SURF2: variants seen among roughly 807,000 people sequenced by gnomAD.
SURF2 encodes surfeit 2, also known as surfeit locus protein 2.
A neutral mutation model predicts 26.2 loss-of-function variants in SURF2; 32 were observed. The ratio of observed to expected loss-of-function variants is 1.22; its 90% CI spans 0.92 to 1.64. SURF2 has a LOEUF of 1.64. Among genes scored for constraint, SURF2 ranks in the 40% most tolerant of loss-of-function variants. The probability of loss-of-function intolerance (pLI) is 0.00; values close to 1 mark genes in which losing one functional copy is unlikely to be tolerated. For missense variants in SURF2, 415 were observed against 341.6 expected, an observed-to-expected ratio of 1.21 and a Z score of -1.69; for synonymous variants, 173 against 139.1, an observed-to-expected ratio of 1.24 and a Z score of -1.71.
At chr9:133,357,685 A>G in intron 2 of SURF2, 26 bp from the exon 3 acceptor site, 1 of 1,587,826 alleles carries the variant, frequency 6.3e-7, no homozygotes, top group Non-Finnish European at 8.6e-7. Context: ...AACTGTCCCT[A>G]CAAATTTGGT....
chr9:133,358,787 G>T (rs931247275), intron 3 of SURF2, among the ~76,000 whole-genome samples: 1 of 152,182 alleles, frequency 6.6e-6, no homozygotes, highest in African/African-American at 2.4e-5. Flanking sequence ...GCAGGTGCTG[G>T]GTCACCAGAA....
Position 133,360,403 on chromosome 9 carries a change from T to C in SURF2, c.656T>C (p.Val219Ala), listed in dbSNP as rs2130051256. Residue 219 changes from valine to alanine, a missense_variant, in exon 5 of 6, where the codon GTG becomes GCG. Val to Ala is a moderately conservative substitution (Grantham distance 64). Coordinates refer to ENST00000371964, the MANE Select transcript of SURF2 (RefSeq NM_017503.5). Reference sequence around the variant, plus strand: ...GATGAGGGCAGGAGAGAGACGACCGTGTACCGAGGGCTGGTCCAGAAGCGC... The same window carrying C: ...GATGAGGGCAGGAGAGAGACGACCGCGTACCGAGGGCTGGTCCAGAAGCGC... ...ATDEGRRETT[V>A]YRGLVQKRGK... 1.9e-6 allele frequency: 3 copies of C among 1,612,168 alleles called. No homozygotes were observed. Among genetic ancestry groups the C allele is most frequent in the South Asian group, 1.1e-5 (1 of 91,028 alleles).
chr9:133,356,872 G>T, intron 1 of SURF2, 42 bp from the exon 2 acceptor site: 1 of 1,511,690 alleles, frequency 6.6e-7, no homozygotes, highest in Non-Finnish European at 8.9e-7. Context: ...AGGGAGCGGA[G>T]CCCTGGCCCT....
In SURF2 at chr9:133,360,283, A is replaced by G. The variant is rs1836728471; in HGVS notation, c.536A>G (p.Lys179Arg). Residue 179 changes from lysine to arginine, a missense_variant, in exon 5 of 6, where the codon AAG (lysine) becomes AGG (arginine). By Grantham distance (26) the Lys-to-Arg change is conservative. Coordinates refer to ENST00000371964, the MANE Select transcript of SURF2 (RefSeq NM_017503.5). ...CTCCCAGCTGAGCTATTCACCAGAA[A>G]GGACCTTGGAAGCACGGAGGATGGG... ...DLYPPELFTR[K>R]DLGSTEDGDG... 6.2e-7 allele frequency: 1 copy of G among 1,613,918 alleles called. No homozygotes were observed. Among genetic ancestry groups the G allele is most frequent in the South Asian group, 1.1e-5 (1 of 91,080 alleles).
At position 133,357,016 on chromosome 9, in the gene SURF2, G is replaced by A; in HGVS notation, c.181G>A (p.Ala61Thr). The A allele has an allele frequency of 5.7e-6, 9 of 1,572,998 alleles. No homozygotes were observed. Among genetic ancestry groups the A allele is most frequent in the Non-Finnish European group, 7.8e-6 (9 of 1,160,624 alleles). Residue 61 changes from alanine to threonine, a missense_variant, in exon 2 of 6, where the codon GCC becomes ACC. Physicochemically the swap from Ala to Thr is moderately conservative, Grantham distance 58. Transcript: ENST00000371964. ...CCAGCGGCTGGTCCGCGCCTCCCCGGCCTTCGACTATGCAGAGTTCGAGCC... is the reference window on the plus strand; with the variant it reads ...CCAGCGGCTGGTCCGCGCCTCCCCGACCTTCGACTATGCAGAGTTCGAGCC... ...KYQRLVRASP[A>T]FDYAEFEPHI... is the part of the protein sequence containing the mutation.
At chr9:133,357,593 TA>T in intron 2 of SURF2, 117 bp from the exon 3 acceptor site, 1 of 954,304 alleles carries the variant, frequency 1.0e-6, no homozygotes, top group Non-Finnish European at 1.6e-6. Context: ...CGGGAGCCTT[TA>T]AAAGCCCGAT....
At chr9:133,358,115 C>T (rs2130038409) in intron 3 of SURF2, among the ~76,000 whole-genome samples, 249 of 152,156 alleles carry the variant, frequency 1.6e-3, no homozygotes, top group African/African-American at 5.8e-3. Flanking sequence ...TGGGGAGACT[C>T]GCTGAGGGAT....
intron 5 of SURF2, 101 bp from the exon 6 acceptor site, chr9:133,360,955 A>G: frequency 8.0e-7 from 1 of 1,247,072 alleles, no homozygotes; most frequent in Non-Finnish European, 1.2e-6. Context: ...TATTTGACCG[A>G]CACCTCTGAG....
At chr9:133,357,328 C>T in intron 2 of SURF2, 2 of 518,084 alleles carry the variant, frequency 3.9e-6, no homozygotes, top group Admixed American at 3.7e-5. Flanking sequence ...AGGTTGTGAA[C>T]AGCGTTGGGT....
chr9:133,357,746 TCAA>T lies in SURF2; in HGVS notation c.273_275del (p.Asn91del). 1.9e-6 allele frequency: 3 copies of T among 1,613,814 alleles called. No homozygotes were observed. Among genetic ancestry groups the T allele is most frequent in the Non-Finnish European group, 2.5e-6 (3 of 1,180,026 alleles). On this transcript the variant is annotated inframe_deletion, in exon 3 of 6. Transcript: ENST00000371964. ...TTCTGCAAACTCACCCTGCGGCACATCAACAAGTGCCCAGAACACGTGCTGAGG... is the reference window on the plus strand; with the variant it reads ...TTCTGCAAACTCACCCTGCGGCACATCAAGTGCCCAGAACACGTGCTGAGG...
rs1029487778 is a variant in SURF2 at position 133,357,608 on chromosome 9, C to T, written c.234-103C>T. 7.1e-6 allele frequency: 8 copies of T among 1,132,280 alleles called. No individual in the cohort carries two copies. In the African/African-American group the frequency reaches 1.2e-4, roughly 17 times the overall value. The allele number at this position is 1,132,280 out of a possible 1,614,324, so 70.1% of individuals were successfully genotyped here. A position where few individuals can be genotyped will look rare whatever the true frequency, so the allele number is the denominator to read the frequency against. On this transcript the variant is annotated intron_variant, in intron 2 of 5. Transcript: ENST00000371964. ...CGGGAGCCTTTAAAAGCCCGATGTC[C>T]AAGCCGCATGGTAGACTGTCCAGGG...
At position 133,356,602 on chromosome 9, in the gene SURF2, T is replaced by TTGCC; in HGVS notation, c.11_14dup (p.Gly6AlafsTer108). 6.6e-7 allele frequency: 1 copy of TTGCC among 1,523,474 alleles called. No individual in the cohort carries two copies. The highest frequency in any genetic ancestry group is 8.8e-7 in the Non-Finnish European group (1 of 1,142,606). The allele number at this position is 1,523,474 out of a possible 1,614,324, so 94.4% of individuals were successfully genotyped here. A position where few individuals can be genotyped will look rare whatever the true frequency, so the allele number is the denominator to read the frequency against. ...CGCGGGCGCGTCGGCCATGAGCGAGTTGCCGGGCGACGTGCGGGCGTTTCT... is the reference window on the plus strand; with the variant it reads ...CGCGGGCGCGTCGGCCATGAGCGAGTTGCCTGCCGGGCGACGTGCGGGCGTTTCT... On this transcript the variant is annotated frameshift_variant, in exon 1 of 6. Transcript: ENST00000371964. LOFTEE classifies it high-confidence loss of function.
Position 133,360,447 on chromosome 9 carries a change from C to T in SURF2, c.687+13C>T, listed in dbSNP as rs1329373566. The T allele has an allele frequency of 6.3e-7, 1 of 1,593,956 alleles. No homozygotes were observed. Among genetic ancestry groups the T allele is most frequent in the Admixed American group, 1.7e-5 (1 of 57,156 alleles). On this transcript the variant is annotated intron_variant, in intron 5 of 5. Coordinates refer to ENST00000371964, the MANE Select transcript of SURF2 (RefSeq NM_017503.5). Reference sequence around the variant, plus strand: ...GAAGCGCGGGAAGGTGAGCTGTCACCTCCTCTGTTAGTGTGGCAGTGGCTT... The same window carrying T: ...GAAGCGCGGGAAGGTGAGCTGTCACTTCCTCTGTTAGTGTGGCAGTGGCTT...
At chr9:133,359,866 G>T (rs587629128) in intron 3 of SURF2, 84 bp from the exon 4 acceptor site, 8 of 1,453,674 alleles carry the variant, frequency 5.5e-6, no homozygotes, top group Non-Finnish European at 7.3e-6. Flanking sequence ...GGCCCTGGCC[G>T]AGTGCAGTCC....
In SURF2 at chr9:133,361,085, C is replaced by G. The variant is rs2130057430; in HGVS notation, c.717C>G (p.Phe239Leu). ...AGTTGGGCTCGTTGAAAAAGAAGTT[C>G]AAGAGTCATCACCGCAAACCCAAGA... ...KKQLGSLKKK[F>L]KSHHRKPKSF... The change falls in exon 6 of 6, where the codon TTC becomes TTG. Residue 239 changes from phenylalanine (F) to leucine (L), a missense_variant. Coordinates refer to ENST00000371964, the MANE Select transcript of SURF2 (RefSeq NM_017503.5). 4.3e-6 allele frequency: 7 copies of G among 1,614,158 alleles called. No individual in the cohort carries two copies. In the East Asian group the frequency reaches 6.7e-5, roughly 15 times the overall value.
Position 133,360,452 on chromosome 9 carries a change from CTGT to C in SURF2, c.687+20_687+22del, listed in dbSNP as rs2130052155. 1 of 1,584,668 alleles carries C rather than the reference CTGT, an allele frequency of 6.3e-7. No individual in the cohort carries two copies. Among genetic ancestry groups the C allele is most frequent in the Admixed American group, 1.8e-5 (1 of 55,162 alleles). ...GCGGGAAGGTGAGCTGTCACCTCCT[CTGT>C]TAGTGTGGCAGTGGCTTCCCCTAGT... is the stretch of plus-strand genomic sequence containing the variant. On this transcript the variant is annotated intron_variant, in intron 5 of 5. Transcript: ENST00000371964.
intron 5 of SURF2, among the ~76,000 whole-genome samples, 155 bp downstream of exon 5, chr9:133,360,589 A>G (rs1038894143): frequency 6.6e-6 from 1 of 152,274 alleles, no homozygotes; most frequent in African/African-American, 2.4e-5. Flanking sequence ...GGCTGGCGGA[A>G]GGCCGTGAGT....
rs1444613227 is a variant in SURF2, at chr9:133,357,003, C to A, written c.168C>A (p.Val56=). ...YTRGKKYQRL[V]RASPAFDYAE... Reference sequence around the variant, plus strand: ...GCGGCAAAAAGTACCAGCGGCTGGTCCGCGCCTCCCCGGCCTTCGACTATG... The same window carrying A: ...GCGGCAAAAAGTACCAGCGGCTGGTACGCGCCTCCCCGGCCTTCGACTATG... Residue 56 remains valine, a synonymous_variant, in exon 2 of 6, where the codon GTC becomes GTA. Coordinates refer to ENST00000371964, the MANE Select transcript of SURF2 (RefSeq NM_017503.5). The A allele has an allele frequency of 1.3e-6, 2 of 1,567,512 alleles. No homozygotes were observed. The highest frequency in any genetic ancestry group is 3.8e-5 in the Admixed American group (2 of 52,568).
chr9:133,360,543 C>G, intron 5 of SURF2, 109 bp downstream of exon 5: 1 of 1,308,120 alleles, frequency 7.6e-7, no homozygotes, highest in Non-Finnish European at 1.0e-6. Flanking sequence ...AATCCCAAGC[C>G]AACAACACAC....
Sources: allele counts gnomAD v4.1 joint callset (sites outside exome capture counted in the v4.1 genomes callset), GRCh38; gene constraint gnomAD v4.1.1; transcripts MANE v1.5; gene names NCBI Gene and HGNC (gene_info 2026-07-23, HGNC 2026-07-21).